Variants in TICAM1 observed in about 807,000 individuals in gnomAD.
TICAM1 encodes TIR domain-containing adapter molecule 1.
For synonymous variants in TICAM1, 439 were observed against 415.4 expected, an observed-to-expected ratio of 1.06 and a Z score of -0.69; for missense variants, 895 against 938.2, an observed-to-expected ratio of 0.95 and a Z score of 0.60.
chr19:4,816,446 G>T lies in TICAM1; in HGVS notation c.1932C>A (p.Pro644=). ...GTGGAAAGGCTGCTGGCTGTGGGGA[G>T]GGCGGTGGGGGGGTGCCAGCCTGCC... ...HAWQAGTPPP[P]SPQPAAFPQS... The change falls in exon 2 of 2, where the codon CCC becomes CCA. Residue 644 remains proline, a synonymous_variant. Coordinates refer to ENST00000248244, the MANE Select transcript of TICAM1 (RefSeq NM_182919.4). This position sits in a 1 kb window ranked among gnomAD's most constrained non-coding sequence, Gnocchi z 4.3. The T allele has an allele frequency of 6.4e-7, 1 of 1,554,430 alleles. No homozygotes were observed. Among genetic ancestry groups the T allele is most frequent in the Non-Finnish European group, 8.7e-7 (1 of 1,151,992 alleles).
chr19:4,829,080 C>T (rs961216063), intron 1 of TICAM1, among the ~76,000 whole-genome samples: 2 of 152,202 alleles, frequency 1.3e-5, no homozygotes, highest in Non-Finnish European at 2.9e-5. Flanking sequence ...ATCGATCCGC[C>T]TGCCTTGGCC....
Position 4,816,126 on chromosome 19 carries a change from G to A in TICAM1, c.*113C>T. 7.5e-7 allele frequency: 1 copy of A among 1,335,944 alleles called. No individual in the cohort carries two copies. Among genetic ancestry groups the A allele is most frequent in the South Asian group, 2.5e-5 (1 of 39,780 alleles). The allele number at this position is 1,335,944 out of a possible 1,614,324, so 82.8% of individuals were successfully genotyped here. Reference sequence around the variant, plus strand: ...GGACAATGTCCTGAAAGTGGCAGATGACCTCATCTTCCACTGTCCACAGGG... The same window carrying A: ...GGACAATGTCCTGAAAGTGGCAGATAACCTCATCTTCCACTGTCCACAGGG... On this transcript the variant is annotated 3_prime_UTR_variant, in exon 2 of 2. Coordinates refer to ENST00000248244, the MANE Select transcript of TICAM1 (RefSeq NM_182919.4). The surrounding 1 kb of genome is among the most constrained non-coding windows in gnomAD (Gnocchi z 4.3).
At chr19:4,820,635 C>T (rs2146173723) in intron 1 of TICAM1, among the ~76,000 whole-genome samples, 1 of 151,826 alleles carries the variant, frequency 6.6e-6, no homozygotes, top group Admixed American at 6.6e-5. Context: ...GAGGCTGAGG[C>T]AGGTGGATCA....
Position 4,818,079 on chromosome 19 carries a change from T to A in TICAM1, c.299A>T (p.Tyr100Phe). ...PDVSWAVARL[Y>F]HLLAEEKLCP... ...CAGCTTCTCCTCAGCCAGCAGGTGGTACAAGCGGGCCACAGCCCAGGACAC... is the reference window on the plus strand; with the variant it reads ...CAGCTTCTCCTCAGCCAGCAGGTGGAACAAGCGGGCCACAGCCCAGGACAC... The change falls in exon 2 of 2, where the codon TAC (tyrosine) becomes TTC (phenylalanine). Residue 100 changes from tyrosine to phenylalanine, a missense_variant. Coordinates refer to ENST00000248244, the MANE Select transcript of TICAM1 (RefSeq NM_182919.4). This position sits in a 1 kb window ranked among gnomAD's most constrained non-coding sequence, Gnocchi z 4.0. 6.2e-7 allele frequency: 1 copy of A among 1,607,520 alleles called. No homozygotes were observed. The highest frequency in any genetic ancestry group is 8.5e-7 in the Non-Finnish European group (1 of 1,179,828).
At chr19:4,824,201 G>GT (rs1273696178) in intron 1 of TICAM1, among the ~76,000 whole-genome samples, 2 of 151,826 alleles carry the variant, frequency 1.3e-5, no homozygotes, top group Admixed American at 6.6e-5. Flanking sequence ...TAGAGACAGG[G>GT]TTTTGCCATG....
In TICAM1 at chr19:4,816,020, T is replaced by C. The variant is rs1267161253; in HGVS notation, c.*219A>G. 7 of 519,214 alleles carry C rather than the reference T, an allele frequency of 1.3e-5. No homozygotes were observed. Among genetic ancestry groups the C allele is most frequent in the African/African-American group, 2.0e-5 (1 of 50,754 alleles). The allele number at this position is 519,214 out of a possible 1,614,324, so 32.2% of individuals were successfully genotyped here. On this transcript the variant is annotated 3_prime_UTR_variant, in exon 2 of 2. Coordinates refer to ENST00000248244, the MANE Select transcript of TICAM1 (RefSeq NM_182919.4). This position sits in a 1 kb window ranked among gnomAD's most constrained non-coding sequence, Gnocchi z 4.3. ...TCACCCAGAAATAGAGAGATTGGAA[T>C]TGTAAACACCGTATCCAGTTCTGAC...
At chr19:4,829,150 A>G (rs2093610214) in intron 1 of TICAM1, among the ~76,000 whole-genome samples, 1 of 152,066 alleles carries the variant, frequency 6.6e-6, no homozygotes, top group African/African-American at 2.4e-5. Context: ...AGGACTCTTA[A>G]AGCAGTGCCT....
chr19:4,823,464 T>TA (rs796260133), intron 1 of TICAM1, among the ~76,000 whole-genome samples: 16,686 of 93,656 alleles, frequency 0.18, 1,434 homozygotes, highest in Middle Eastern at 0.35. Flanking sequence ...GACTCTGTCT[T>TA]AAAAAAAAAA....
intron 1 of TICAM1, among the ~76,000 whole-genome samples, chr19:4,825,698 C>G (rs1386411821): frequency 6.6e-6 from 1 of 151,726 alleles, no homozygotes; most frequent in Non-Finnish European, 1.5e-5. Context: ...TGGCTCACGC[C>G]TGTAATCCCA....
At chr19:4,829,116 T>C (rs989591128) in intron 1 of TICAM1, among the ~76,000 whole-genome samples, 5 of 152,206 alleles carry the variant, frequency 3.3e-5, no homozygotes, top group African/African-American at 1.2e-4. Flanking sequence ...ATTACAGGCA[T>C]GAGCCACTGC....
intron 1 of TICAM1, among the ~76,000 whole-genome samples, chr19:4,823,100 A>C (rs1274495625): frequency 3.9e-5 from 6 of 152,122 alleles, no homozygotes; most frequent in African/African-American, 1.2e-4. Context: ...TGAGCTGATC[A>C]CTTGAGATCA....
Position 4,817,226 on chromosome 19 carries a change from G to A in TICAM1, c.1152C>T (p.Ser384=). ...TCTGTTCCGATGATGATTCCAGGGA[G>A]GAAGGGAACAGGGAGGAGGGGGTCA... The part of the protein sequence containing the change: ...AHLTPSSLFP[S]SLESSSEQKF... Residue 384 remains serine, a synonymous_variant, in exon 2 of 2, where the codon TCC becomes TCT. Coordinates refer to ENST00000248244, the MANE Select transcript of TICAM1 (RefSeq NM_182919.4). This position sits in a 1 kb window ranked among gnomAD's most constrained non-coding sequence, Gnocchi z 4.7. 1 of 1,614,024 alleles carries A rather than the reference G, an allele frequency of 6.2e-7. No individual in the cohort carries two copies. The highest frequency in any genetic ancestry group is 8.5e-7 in the Non-Finnish European group (1 of 1,180,014).
chr19:4,821,993 T>C (rs903772347), intron 1 of TICAM1, among the ~76,000 whole-genome samples: 2 of 151,576 alleles, frequency 1.3e-5, no homozygotes, highest in South Asian at 4.2e-4. Context: ...TGGAGTACAA[T>C]GGTGCAATCT....
Position 4,817,373 on chromosome 19 carries a change from T to C in TICAM1, c.1005A>G (p.Gln335=), listed in dbSNP as rs760378603. Residue 335 remains glutamine, a synonymous_variant, in exon 2 of 2, where the codon CAA becomes CAG. Transcript: ENST00000248244. The surrounding 1 kb of genome is among the most constrained non-coding windows in gnomAD (Gnocchi z 4.7). ...PCSVKDQTPL[Q]LSVEDTTSPN... ...GAGAGGTGGTATCTTCTACAGAAAG[T>C]TGGAGTGGCGTCTGGTCTTTGACAG... The C allele has an allele frequency of 5.6e-6, 9 of 1,613,590 alleles. No homozygotes were observed. The highest frequency in any genetic ancestry group is 4.4e-5 in the South Asian group (4 of 91,078).
chr19:4,823,799 A>G (rs1298434886), intron 1 of TICAM1, among the ~76,000 whole-genome samples: 1 of 152,156 alleles, frequency 6.6e-6, no homozygotes, highest in Non-Finnish European at 1.5e-5. Context: ...TCCAGCCTCC[A>G]TAACTGTGAG....
chr19:4,819,928 C>G (rs1262252660), intron 1 of TICAM1, among the ~76,000 whole-genome samples: 1 of 151,966 alleles, frequency 6.6e-6, no homozygotes, highest in East Asian at 1.9e-4. Flanking sequence ...ACCCAACATC[C>G]TGGTATTTGC....
intron 1 of TICAM1, among the ~76,000 whole-genome samples, chr19:4,830,703 C>T (rs188611809): frequency 5.5e-4 from 83 of 152,268 alleles, no homozygotes; most frequent in Admixed American, 8.5e-4. Context: ...TGAAAAGTAA[C>T]GTGAAAGCCA....
Position 4,817,061 on chromosome 19 carries a change from C to T in TICAM1, c.1317G>A (p.Leu439=). ...EDFQVPGRGE[L]SCLQDAIDHS... is the part of the protein sequence containing the mutation. Reference sequence around the variant, plus strand: ...GGTCTATGGCGTCCTGCAGGCAGCTCAGCTCCCCGCGCCCCGGCACCTGGA... The same window carrying T: ...GGTCTATGGCGTCCTGCAGGCAGCTTAGCTCCCCGCGCCCCGGCACCTGGA... Residue 439 remains leucine (L), a synonymous_variant, in exon 2 of 2, where the codon CTG becomes CTA. Coordinates refer to ENST00000248244, the MANE Select transcript of TICAM1 (RefSeq NM_182919.4). The surrounding 1 kb of genome is among the most constrained non-coding windows in gnomAD (Gnocchi z 4.7). The T allele has an allele frequency of 1.7e-5, 27 of 1,614,120 alleles. No individual in the cohort carries two copies. The highest frequency in any genetic ancestry group is 2.3e-5 in the Non-Finnish European group (27 of 1,180,006).
At chr19:4,825,822 G>C (rs2093604629) in intron 1 of TICAM1, among the ~76,000 whole-genome samples, 1 of 151,988 alleles carries the variant, frequency 6.6e-6, no homozygotes, top group African/African-American at 2.4e-5. Flanking sequence ...AGCAGGGCAT[G>C]GTGGCAGGTG....
Sources: gnomAD v4.1 joint callset for allele counts (sites outside exome capture counted in the v4.1 genomes callset) on GRCh38, gnomAD v4.1.1 for gene constraint, Gnocchi (gnomAD v3.1) non-coding constraint, MANE v1.5 for transcripts, NCBI Gene and HGNC (gene_info 2026-07-23, HGNC 2026-07-21) for gene names.